The following METTL25 variants were observed in gnomAD, a reference collection of about 807,000 sequenced individuals.
METTL25 encodes the protein methyltransferase like 25.
Under a neutral mutation model 71.6 loss-of-function variants are expected in METTL25, and 64 were observed. That is an observed-to-expected ratio of 0.89 (90% CI 0.73 to 1.10). The LOEUF (loss-of-function observed/expected upper bound fraction) is 1.10, where lower values mean the gene tolerates loss of function less well. Among genes scored for constraint, METTL25 ranks in the 50% least tolerant of loss-of-function variants. The pLI is 0.00. For synonymous variants in METTL25, 287 were observed against 250.3 expected, an observed-to-expected ratio of 1.15 and a Z score of -1.38; for missense variants, 807 against 707.0, an observed-to-expected ratio of 1.14 and a Z score of -1.60.
intron 3 of METTL25, 21 bp from the exon 4 acceptor site, chr12:82,398,774 A>T (rs1565827988): frequency 4.2e-6 from 6 of 1,412,882 alleles, no homozygotes; most frequent in Non-Finnish European, 3.7e-6. Flanking sequence ...TCTTTAATTT[A>T]TTCTTTTTTT....
chr12:82,364,683 A>C (rs1489020892), intron 1 of METTL25, among the ~76,000 whole-genome samples: 1 of 152,206 alleles, frequency 6.6e-6, no homozygotes, highest in Non-Finnish European at 1.5e-5. Flanking sequence ...CTAGCATAGA[A>C]CTGAGAATAT....
At chr12:82,391,694 G>A (rs1181284233) in intron 3 of METTL25, among the ~76,000 whole-genome samples, 1 of 147,888 alleles carries the variant, frequency 6.8e-6, no homozygotes, top group Non-Finnish European at 1.5e-5. Context: ...AAACATGAGT[G>A]TCCAGATATC....
intron 7 of METTL25, 103 bp from the exon 8 acceptor site, chr12:82,438,615 A>C: frequency 1.6e-6 from 1 of 606,586 alleles, no homozygotes; most frequent in East Asian, 3.2e-5. Flanking sequence ...TGTGTTTAGC[A>C]ACAAAGGTTT....
At chr12:82,391,832 G>GTTTAA (rs1885617925) in intron 3 of METTL25, among the ~76,000 whole-genome samples, 1 of 149,542 alleles carries the variant, frequency 6.7e-6, no homozygotes, top group Non-Finnish European at 1.5e-5. Flanking sequence ...CATAATGGCT[G>GTTTAA]TCTAATTTAC....
intron 1 of METTL25, among the ~76,000 whole-genome samples, chr12:82,363,109 CAG>C (rs1882149018): frequency 6.6e-6 from 1 of 152,098 alleles, no homozygotes; most frequent in African/African-American, 2.4e-5. Context: ...ATTCTGGAAA[CAG>C]GAGATACAAA....
chr12:82,415,631 G>A (rs1887915289), intron 5 of METTL25, among the ~76,000 whole-genome samples: 1 of 152,080 alleles, frequency 6.6e-6, no homozygotes, highest in Admixed American at 6.6e-5. Context: ...CAGTCCAAAG[G>A]CAAGAGAAGA....
chr12:82,397,761 T>A (rs1171872695), intron 3 of METTL25, among the ~76,000 whole-genome samples: 1 of 152,104 alleles, frequency 6.6e-6, no homozygotes, highest in Non-Finnish European at 1.5e-5. Flanking sequence ...AGTGTGGATC[T>A]ATTTCTGTAC....
chr12:82,431,973 A>G (rs1889535065), intron 6 of METTL25, among the ~76,000 whole-genome samples: 1 of 151,728 alleles, frequency 6.6e-6, no homozygotes, highest in Admixed American at 6.6e-5. Flanking sequence ...TATTCAAATT[A>G]TAGTATCTAC....
At chr12:82,457,331 G>GA (rs11412218) in intron 9 of METTL25, among the ~76,000 whole-genome samples, 149,531 of 150,234 alleles carry the variant, frequency 1, 74,416 homozygotes, top group Middle Eastern at 1. Context: ...ACCACTGAGG[G>GA]AAAAAAAAAC....
intron 5 of METTL25, among the ~76,000 whole-genome samples, chr12:82,422,101 G>A (rs1322476724): frequency 6.6e-6 from 1 of 151,984 alleles, no homozygotes. Flanking sequence ...CAAAAAAATA[G>A]AATTTTAGAC....
At chr12:82,364,204 G>T (rs980379230) in intron 1 of METTL25, among the ~76,000 whole-genome samples, 2 of 152,200 alleles carry the variant, frequency 1.3e-5, no homozygotes, top group Non-Finnish European at 2.9e-5. Flanking sequence ...GTTGGCTGGG[G>T]CTGTAGTTGC....
At chr12:82,394,042 A>T (rs1038614243) in intron 3 of METTL25, among the ~76,000 whole-genome samples, 1 of 151,842 alleles carries the variant, frequency 6.6e-6, no homozygotes, top group South Asian at 2.1e-4. Context: ...ATGTGTTTTT[A>T]TACTCTTCAG....
intron 5 of METTL25, among the ~76,000 whole-genome samples, chr12:82,410,829 G>T (rs555986790): frequency 6.6e-6 from 1 of 152,136 alleles, no homozygotes; most frequent in South Asian, 2.1e-4. Context: ...AGCTGATCCT[G>T]AAATGTCCAT....
At chr12:82,441,777 A>G (rs1396711218) in intron 8 of METTL25, among the ~76,000 whole-genome samples, 2 of 147,080 alleles carry the variant, frequency 1.4e-5, no homozygotes, top group Admixed American at 1.4e-4. Flanking sequence ...CATTACTGCC[A>G]TACTATAGCA....
At chr12:82,463,772 G>A (rs1470400144) in intron 9 of METTL25, among the ~76,000 whole-genome samples, 1 of 151,738 alleles carries the variant, frequency 6.6e-6, no homozygotes, top group Non-Finnish European at 1.5e-5. Flanking sequence ...TTTCATAGTA[G>A]CCATTCTAAC....
At chr12:82,431,279 GT>G (rs1178686964) in intron 6 of METTL25, among the ~76,000 whole-genome samples, 3 of 151,262 alleles carry the variant, frequency 2.0e-5, no homozygotes, top group African/African-American at 7.3e-5. Flanking sequence ...AGATCGTTTG[GT>G]TTCCTAAATT....
intron 9 of METTL25, among the ~76,000 whole-genome samples, chr12:82,467,806 C>T (rs1457951555): frequency 6.6e-6 from 1 of 151,972 alleles, no homozygotes; most frequent in Non-Finnish European, 1.5e-5. Flanking sequence ...TTTGAGCTTC[C>T]TGGACATGGA....
intron 8 of METTL25, among the ~76,000 whole-genome samples, chr12:82,441,243 C>T (rs1228815889): frequency 6.6e-6 from 1 of 151,394 alleles, no homozygotes; most frequent in East Asian, 1.9e-4. Context: ...AAATAAATTC[C>T]CTCTGGACAA....
In METTL25 at chr12:82,399,053, A is replaced by C; in HGVS notation, c.790A>C (p.Asn264His). Residue 264 changes from asparagine (N) to histidine (H), a missense_variant, in exon 4 of 12, where the codon AAC becomes CAC. Physicochemically the swap from Asn to His is moderately conservative, Grantham distance 68. Coordinates refer to ENST00000248306, the MANE Select transcript of METTL25 (RefSeq NM_032230.3). ...NKADTEEVFN[N>H]SPTNQEKMPT... is the part of the protein sequence containing the mutation. ...AGCTGATACTGAGGAAGTGTTTAAC[A>C]ACAGTCCTACAAATCAAGAAAAGAT... is the stretch of plus-strand genomic sequence containing the variant. 6.2e-7 allele frequency: 1 copy of C among 1,613,000 alleles called. No individual in the cohort carries two copies. Among genetic ancestry groups the C allele is most frequent in the Non-Finnish European group, 8.5e-7 (1 of 1,179,368 alleles).
Sources: gnomAD v4.1 joint callset for allele counts (sites outside exome capture counted in the v4.1 genomes callset) on GRCh38, gnomAD v4.1.1 for gene constraint, MANE v1.5 for transcripts, NCBI Gene and HGNC (gene_info 2026-07-23, HGNC 2026-07-21) for gene names.